SP3: variants seen among roughly 807,000 people sequenced by gnomAD.
The protein encoded by SP3 is Sp3 transcription factor, also known as transcription factor Sp3.
SP3 carries 10 observed loss-of-function variants against 70.3 expected under a neutral mutation model. The observed-to-expected ratio is 0.14, with a 90% CI of 0.09 to 0.24. The LOEUF is 0.24. Ranked by LOEUF, SP3 falls within the 10% of genes least tolerant of loss-of-function variation. The probability of loss-of-function intolerance (pLI) is 1.00; values close to 1 mark genes in which losing one functional copy is unlikely to be tolerated. For synonymous variants in SP3, 402 were observed against 333.5 expected (o/e 1.21, Z -2.24); for missense variants, 825 against 914.6 (o/e 0.90, Z 1.26).
chr2:173,958,577 T>TG (rs992228607), intron 3 of SP3, among the ~76,000 whole-genome samples: 8 of 130,060 alleles, frequency 6.2e-5, no homozygotes, highest in South Asian at 2.3e-4. Context: ...AGCACAACGA[T>TG]GGGGGAAAAA....
intron 4 of SP3, among the ~76,000 whole-genome samples, chr2:173,951,369 T>C (rs925317453): frequency 6.6e-6 from 1 of 152,180 alleles, no homozygotes; most frequent in Non-Finnish European, 1.5e-5. Flanking sequence ...TACTGATACT[T>C]ACCATATCAT....
chr2:173,924,434 T>G (rs1689850419), intron 4 of SP3, among the ~76,000 whole-genome samples: 1 of 152,254 alleles, frequency 6.6e-6, no homozygotes, highest in Non-Finnish European at 1.5e-5. Flanking sequence ...TTATTAAATC[T>G]GAAGTACTAG....
At chr2:173,965,116 C>T (rs760078332) in intron 1 of SP3, 49 bp downstream of exon 1, 6 of 1,546,612 alleles carry the variant, frequency 3.9e-6, no homozygotes, top group African/African-American at 1.4e-5. Context: ...TGGTCGGCGG[C>T]AGCGGCGGCG....
chr2:173,919,939 C>A (rs1367744931), intron 4 of SP3, among the ~76,000 whole-genome samples: 2 of 151,888 alleles, frequency 1.3e-5, no homozygotes, highest in Non-Finnish European at 2.9e-5. Context: ...TCACCCTAAA[C>A]TAGAAAAACT....
In SP3 at chr2:173,965,148, C is replaced by T. The variant is rs541569117; in HGVS notation, c.7+17G>A. Reference sequence around the variant, plus strand: ...GGCGGCGGCAGCAGCAAGGGTTGCTCTCTCGGCTTTACGTACCGGTCATAG... The same window carrying T: ...GGCGGCGGCAGCAGCAAGGGTTGCTTTCTCGGCTTTACGTACCGGTCATAG... On this transcript the variant is annotated intron_variant, in intron 1 of 6. Coordinates refer to ENST00000310015, the MANE Select transcript of SP3 (RefSeq NM_003111.5). 3.9e-6 allele frequency: 6 copies of T among 1,546,850 alleles called. No individual in the cohort carries two copies. The highest frequency in any genetic ancestry group is 1.4e-5 in the African/African-American group (1 of 72,370).
intron 3 of SP3, among the ~76,000 whole-genome samples, chr2:173,958,871 G>A (rs1033555656): frequency 3.3e-5 from 5 of 151,502 alleles, no homozygotes; most frequent in Admixed American, 2.0e-4. Context: ...GTCAACAACC[G>A]GAAAAACATT....
At chr2:173,965,449 C>T, upstream of SP3, 1 of 424,124 alleles carries the variant, frequency 2.4e-6, no homozygotes, top group Non-Finnish European at 4.2e-6. Context: ...GCTCATTGGT[C>T]CAGGCGCCTG....
chr2:173,956,323 T>C, intron 3 of SP3, 91 bp from the exon 4 acceptor site: 1 of 1,350,076 alleles, frequency 7.4e-7, no homozygotes, highest in Non-Finnish European at 9.9e-7. Flanking sequence ...TCCTACTACC[T>C]GAAAATTCAA....
chr2:173,914,837 A>T (rs538728839), intron 5 of SP3: 1 of 152,282 alleles, frequency 6.6e-6, no homozygotes, highest in African/African-American at 2.4e-5. Context: ...TATTGATTCC[A>T]TTTAATTTAG....
chr2:173,925,805 TAAAA>T, intron 4 of SP3, among the ~76,000 whole-genome samples: 1 of 151,846 alleles, frequency 6.6e-6, no homozygotes, highest in East Asian at 1.9e-4. Flanking sequence ...CCCTTCAGAT[TAAAA>T]AAAAGACTAC....
chr2:173,929,419 T>C (rs1485836996), intron 4 of SP3, among the ~76,000 whole-genome samples: 3 of 152,138 alleles, frequency 2.0e-5, no homozygotes, highest in African/African-American at 7.2e-5. Context: ...GATGGGGAAA[T>C]CACCTCTATA....
At chr2:173,961,426 A>C (rs1182483661) in intron 3 of SP3, among the ~76,000 whole-genome samples, 1 of 152,204 alleles carries the variant, frequency 6.6e-6, no homozygotes, top group Non-Finnish European at 1.5e-5. Flanking sequence ...CACTTGTTTA[A>C]ACACAACAAT....
intron 4 of SP3, among the ~76,000 whole-genome samples, chr2:173,920,784 T>G (rs1269549685): frequency 6.6e-6 from 1 of 151,938 alleles, no homozygotes; most frequent in African/African-American, 2.4e-5. Flanking sequence ...AGAGACAGGG[T>G]TTCACCATGT....
intron 5 of SP3, chr2:173,913,973 G>C (rs927990340): frequency 9.9e-5 from 15 of 152,002 alleles, no homozygotes; most frequent in African/African-American, 3.4e-4. Context: ...ATAAAATACA[G>C]TTTTCTCCAC....
intron 4 of SP3, among the ~76,000 whole-genome samples, chr2:173,943,329 C>T (rs2105484874): frequency 6.6e-6 from 1 of 152,320 alleles, no homozygotes; most frequent in East Asian, 1.9e-4. Context: ...CTCATTCCCT[C>T]TTCCTGGAAT....
At chr2:173,959,801 C>T (rs1312447456) in intron 3 of SP3, among the ~76,000 whole-genome samples, 1 of 152,152 alleles carries the variant, frequency 6.6e-6, no homozygotes, top group African/African-American at 2.4e-5. Context: ...GCAACCAAGA[C>T]GAGAACTAGT....
Position 173,955,323 on chromosome 2 carries a change from G to A in SP3, c.1189C>T (p.His397Tyr). 6.2e-7 allele frequency: 1 copy of A among 1,614,046 alleles called. No individual in the cohort carries two copies. The highest frequency in any genetic ancestry group is 8.5e-7 in the Non-Finnish European group (1 of 1,180,020). ...QVSTAQPVVQ[H>Y]LQLQESQQPT... ...TGCTGAGACTCTTGAAGTTGTAGAT[G>A]CTGTACAACAGGCTGTGCTGTAGAA... is the stretch of plus-strand genomic sequence containing the variant. Residue 397 changes from histidine (H) to tyrosine (Y), a missense_variant, in exon 4 of 7, where the codon CAT becomes TAT. Physicochemically the swap from His to Tyr is moderately conservative, Grantham distance 83. Transcript: ENST00000310015.
chr2:173,942,946 A>G (rs916904322), intron 4 of SP3, among the ~76,000 whole-genome samples: 4 of 152,186 alleles, frequency 2.6e-5, no homozygotes, highest in African/African-American at 9.7e-5. Context: ...AGGTATTATA[A>G]GTAACTAAGA....
intron 4 of SP3, among the ~76,000 whole-genome samples, chr2:173,944,551 T>C (rs1051233749): frequency 1.3e-5 from 2 of 152,002 alleles, no homozygotes; most frequent in Non-Finnish European, 2.9e-5. Context: ...AATACAAAAA[T>C]TGTCCCCAAG....
Sources: gnomAD v4.1 joint callset for allele counts (sites outside exome capture counted in the v4.1 genomes callset) on GRCh38, gnomAD v4.1.1 for gene constraint, MANE v1.5 for transcripts, NCBI Gene and HGNC (gene_info 2026-07-23, HGNC 2026-07-21) for gene names.